The following NEK7 variants were observed in gnomAD, a reference collection of about 807,000 sequenced individuals.
NEK7 encodes the protein serine/threonine-protein kinase Nek7.
Under a neutral mutation model 44.6 loss-of-function variants are expected in NEK7, and 18 were observed. The observed-to-expected ratio is 0.40, with a 90% CI of 0.28 to 0.60. NEK7 has a LOEUF of 0.60. Among genes scored for constraint, NEK7 ranks in the 20% least tolerant of loss-of-function variants. The probability of loss-of-function intolerance (pLI) is 0.38; values close to 1 mark genes in which losing one functional copy is unlikely to be tolerated. For synonymous variants in NEK7, 130 were observed against 121.1 expected (o/e 1.07, Z -0.48); for missense variants, 256 against 366.5 (o/e 0.70, Z 2.46).
At chr1:198,207,666 G>A (rs1398759294) in intron 1 of NEK7, among the ~76,000 whole-genome samples, 2 of 152,152 alleles carry the variant, frequency 1.3e-5, no homozygotes, top group Non-Finnish European at 2.9e-5. Flanking sequence ...ATTAGTATTT[G>A]TCAAGGATTG....
chr1:198,158,783 A>T (rs1297629085), intron 1 of NEK7, among the ~76,000 whole-genome samples: 1 of 152,146 alleles, frequency 6.6e-6, no homozygotes, highest in Non-Finnish European at 1.5e-5. Flanking sequence ...TTTCCAGAGG[A>T]AGGAATTCTC....
intron 1 of NEK7, among the ~76,000 whole-genome samples, chr1:198,196,751 C>T (rs1254085492): frequency 2.0e-5 from 3 of 152,182 alleles, no homozygotes; most frequent in African/African-American, 4.8e-5. Context: ...TTGCTTATGT[C>T]TTTGGCCAAG....
intron 1 of NEK7, among the ~76,000 whole-genome samples, chr1:198,227,904 T>A (rs1666275035): frequency 6.6e-6 from 1 of 152,192 alleles, no homozygotes; most frequent in South Asian, 2.1e-4. Context: ...TGGCTTTTGT[T>A]GCCATTGCTT....
chr1:198,185,913 G>T (rs1156476835), intron 1 of NEK7, among the ~76,000 whole-genome samples: 1 of 152,160 alleles, frequency 6.6e-6, no homozygotes, highest in Non-Finnish European at 1.5e-5. Context: ...GTTTCATCAG[G>T]CTGTACCAGT....
At chr1:198,210,846 G>A (rs112235327) in intron 1 of NEK7, among the ~76,000 whole-genome samples, 5 of 138,756 alleles carry the variant, frequency 3.6e-5, no homozygotes, top group Non-Finnish European at 6.1e-5. Context: ...TCCGCCTCCC[G>A]GGTTCACGCC....
At chr1:198,287,573 C>T (rs1654413327) in intron 7 of NEK7, among the ~76,000 whole-genome samples, 10 of 151,782 alleles carry the variant, frequency 6.6e-5, no homozygotes. Flanking sequence ...TTGTAATTTA[C>T]ATTTACTTTT....
rs1655542204 is a variant in NEK7, at chr1:198,321,809, A to C, written c.*2287A>C. On this transcript the variant is annotated 3_prime_UTR_variant, in exon 10 of 10. Coordinates refer to ENST00000367385, the MANE Select transcript of NEK7 (RefSeq NM_133494.3). ...GCTCTAATTTATATAGTCACCTATA[A>C]AATGTTCTTTATATGTGTTCATAAG... 1 of 152,136 alleles carries C rather than the reference A, an allele frequency of 6.6e-6. No individual in the cohort carries two copies. Among genetic ancestry groups the C allele is most frequent in the Non-Finnish European group, 1.5e-5 (1 of 67,962 alleles). 9.4% of individuals were successfully genotyped at this position (152,136 alleles called of 1,614,324 possible).
At chr1:198,298,182 A>G (rs1032248410) in intron 9 of NEK7, among the ~76,000 whole-genome samples, 7 of 152,230 alleles carry the variant, frequency 4.6e-5, no homozygotes, top group Admixed American at 3.3e-4. Flanking sequence ...TGCCTCAGGA[A>G]AATGGAAAGG....
chr1:198,231,297 G>GTATATATATA (rs1236094292), intron 1 of NEK7, among the ~76,000 whole-genome samples: 1,477 of 89,140 alleles, frequency 0.017, 12 homozygotes, highest in Admixed American at 0.03. Flanking sequence ...GTGTATGTGT[G>GTATATATATA]TGTGTATATA....
chr1:198,269,676 T>C (rs1336742173), intron 5 of NEK7, among the ~76,000 whole-genome samples: 1 of 152,128 alleles, frequency 6.6e-6, no homozygotes, highest in South Asian at 2.1e-4. Context: ...CTGGTCTGTA[T>C]TCCAGAAATG....
chr1:198,317,883 T>TA (rs1230006375), intron 9 of NEK7, among the ~76,000 whole-genome samples: 24 of 42,804 alleles, frequency 5.6e-4, no homozygotes, highest in East Asian at 0.015. Flanking sequence ...ATTTATTTTT[T>TA]TTTTTTTTTT....
Position 198,254,818 on chromosome 1 carries a change from A to G in NEK7, c.198+1638A>G, listed in dbSNP as rs572917372. Among the ~76,000 whole-genome samples the G allele has an allele frequency of 3.9e-5, 6 of 152,270 alleles. No individual in the cohort carries two copies. In the East Asian group the frequency reaches 9.6e-4, roughly 24 times the overall value. On this transcript the variant is annotated intron_variant, in intron 3 of 9. Transcript: ENST00000367385. ...GAATTGCAGTCTTCTCTGTTTTAATATGCCACTCAGAGCTTAAGAAAACAC... is the reference window on the plus strand; with the variant it reads ...GAATTGCAGTCTTCTCTGTTTTAATGTGCCACTCAGAGCTTAAGAAAACAC...
intron 1 of NEK7, among the ~76,000 whole-genome samples, chr1:198,163,868 AT>A (rs1179508115): frequency 9.9e-5 from 15 of 152,164 alleles, no homozygotes; most frequent in Admixed American, 9.8e-4. Context: ...TTAATAATGT[AT>A]TTACTGTTAA....
At chr1:198,203,184 G>A (rs963642383) in intron 1 of NEK7, among the ~76,000 whole-genome samples, 3 of 152,144 alleles carry the variant, frequency 2.0e-5, no homozygotes, top group Non-Finnish European at 2.9e-5. Flanking sequence ...TATGTCACAA[G>A]CCTTTAGATG....
intron 3 of NEK7, among the ~76,000 whole-genome samples, chr1:198,258,239 G>T (rs1381941068): frequency 6.6e-6 from 1 of 152,152 alleles, no homozygotes; most frequent in East Asian, 1.9e-4. Context: ...AAGAGATCAA[G>T]ACCATCCTGG....
chr1:198,252,569 A>AT (rs1558079353), intron 2 of NEK7, among the ~76,000 whole-genome samples: 231 of 20,992 alleles, frequency 0.011, 3 homozygotes, highest in African/African-American at 0.028. Flanking sequence ...TATATATATA[A>AT]AAAGTACATA....
At chr1:198,307,894 C>A (rs751058146) in intron 9 of NEK7, among the ~76,000 whole-genome samples, 1 of 151,364 alleles carries the variant, frequency 6.6e-6, no homozygotes, top group South Asian at 2.1e-4. Context: ...GAAATTCAAA[C>A]CAAAAGACCA....
At chr1:198,192,547 G>A (rs1379562975) in intron 1 of NEK7, among the ~76,000 whole-genome samples, 1 of 151,898 alleles carries the variant, frequency 6.6e-6, no homozygotes, top group Non-Finnish European at 1.5e-5. Flanking sequence ...ATAGTTGGAG[G>A]CAATTTGAGG....
chr1:198,228,313 T>C (rs527456423), intron 1 of NEK7, among the ~76,000 whole-genome samples: 5 of 152,116 alleles, frequency 3.3e-5, no homozygotes, highest in Admixed American at 2.0e-4. Context: ...ATGCCTCCAG[T>C]TTTGTTCTTT....
Sources: allele counts gnomAD v4.1 joint callset (sites outside exome capture counted in the v4.1 genomes callset), GRCh38; gene constraint gnomAD v4.1.1; transcripts MANE v1.5; gene names NCBI Gene and HGNC (gene_info 2026-07-23, HGNC 2026-07-21).